The following ZSCAN5A variants were observed in gnomAD, a reference collection of about 807,000 sequenced individuals.
ZSCAN5A encodes zinc finger and SCAN domain containing 5A, also known as zinc finger and SCAN domain-containing protein 5A.
Under a neutral mutation model 23.7 loss-of-function variants are expected in ZSCAN5A, and 12 were observed. The ratio of observed to expected loss-of-function variants is 0.51; its 90% CI spans 0.32 to 0.82. ZSCAN5A has a LOEUF of 0.82. Ranked by LOEUF, ZSCAN5A falls within the 40% of genes least tolerant of loss-of-function variation. The pLI is 0.03. For synonymous variants in ZSCAN5A, 257 were observed against 239.9 expected (o/e 1.07, Z -0.66); for missense variants, 597 against 617.9 (o/e 0.97, Z 0.36).
At chr19:56,295,043 A>G (rs1396358067) in intron 2 of ZSCAN5A, 1 of 152,256 alleles carries the variant, frequency 6.6e-6, no homozygotes, top group Non-Finnish European at 1.5e-5. Flanking sequence ...GCAATGGCCA[A>G]CGGGTACACG....
chr19:56,253,815 T>C (rs944142265), intron 2 of ZSCAN5A, among the ~76,000 whole-genome samples: 1 of 152,002 alleles, frequency 6.6e-6, no homozygotes, highest in Non-Finnish European at 1.5e-5. Context: ...TTGCACGGGG[T>C]AAGGTGGCTG....
chr19:56,242,837 G>A (rs2035535499), intron 2 of ZSCAN5A, among the ~76,000 whole-genome samples: 1 of 152,152 alleles, frequency 6.6e-6, no homozygotes, highest in South Asian at 2.1e-4. Context: ...GGAGTGCAAT[G>A]GCGTGATGTC....
At chr19:56,227,874 C>T (rs2146447721) in intron 2 of ZSCAN5A, among the ~76,000 whole-genome samples, 1 of 151,948 alleles carries the variant, frequency 6.6e-6, no homozygotes, top group Admixed American at 6.6e-5. Flanking sequence ...AGCAATATAC[C>T]GAGACCCCAT....
chr19:56,261,762 T>C (rs2037146180), intron 2 of ZSCAN5A, among the ~76,000 whole-genome samples: 1 of 152,242 alleles, frequency 6.6e-6, no homozygotes, highest in African/African-American at 2.4e-5. Context: ...AAATTTCACA[T>C]GTAAAATAAA....
chr19:56,228,348 C>T (rs1431072373), intron 2 of ZSCAN5A: 1 of 985,218 alleles, frequency 1.0e-6, no homozygotes, highest in Admixed American at 6.2e-5. Context: ...AAGCGGGACT[C>T]CAGGCCGCGT....
In ZSCAN5A at chr19:56,222,020, T is replaced by A; in HGVS notation, c.1046A>T (p.Glu349Val). Residue 349 changes from glutamate (E) to valine (V), a missense_variant, in exon 6 of 6, where the codon GAA becomes GTA. This residue lies in a region of ZSCAN5A where 406 missense variants were observed against 353.2 expected (regional missense o/e 1.15). Transcript: ENST00000683990. The stretch of plus-strand genomic sequence containing the variant: ...TGCAAAGGGCGGCAGTGCCTTGGCT[T>A]CTTGGCCATCCGGGTGACTGACTGG... ...ASPVSHPDGQ[E>V]AKALPPFACD... 6.2e-7 allele frequency: 1 copy of A among 1,614,210 alleles called. No homozygotes were observed. The highest frequency in any genetic ancestry group is 8.5e-7 in the Non-Finnish European group (1 of 1,180,036).
intron 2 of ZSCAN5A, chr19:56,283,698 T>G (rs2038886498): frequency 6.6e-6 from 1 of 152,226 alleles, no homozygotes; most frequent in African/African-American, 2.4e-5. Flanking sequence ...GATCTGAGTT[T>G]GAGTTCCTGC....
intron 2 of ZSCAN5A, among the ~76,000 whole-genome samples, chr19:56,277,422 G>C (rs1040775444): frequency 6.6e-6 from 1 of 152,004 alleles, no homozygotes; most frequent in African/African-American, 2.4e-5. Flanking sequence ...CTCAGTGAAA[G>C]ATGCCAGTGA....
chr19:56,234,938 G>A (rs535919278), intron 2 of ZSCAN5A, among the ~76,000 whole-genome samples: 1 of 152,380 alleles, frequency 6.6e-6, no homozygotes, highest in Admixed American at 6.5e-5. Flanking sequence ...AGGGTAACCA[G>A]GGGTTAAGGT....
At position 56,225,550 on chromosome 19, in the gene ZSCAN5A, A is replaced by T. The variant is rs145780199; in HGVS notation, c.-127-377T>A. On this transcript the variant is annotated intron_variant, in intron 2 of 5. Transcript: ENST00000683990. Reference sequence around the variant, plus strand: ...CCCTTAGTCATAATTATGCAAAAGGATAGAGAAAAAGAGTTAGAATGTAAT... The same window carrying T: ...CCCTTAGTCATAATTATGCAAAAGGTTAGAGAAAAAGAGTTAGAATGTAAT... 2.0e-3 allele frequency: 308 copies of T among 153,162 alleles called. 1 individual carries two copies. The highest frequency in any genetic ancestry group is 7.0e-3 in the African/African-American group (290 of 41,594). The allele number at this position is 153,162 out of a possible 1,614,324, so 9.5% of individuals were successfully genotyped here. A position where few individuals can be genotyped will look rare whatever the true frequency, so the allele number is the denominator to read the frequency against.
intron 2 of ZSCAN5A, chr19:56,283,700 A>G (rs1423144675): frequency 1.3e-5 from 2 of 152,190 alleles, no homozygotes; most frequent in Admixed American, 6.5e-5. Flanking sequence ...TCTGAGTTTG[A>G]GTTCCTGCTT....
At chr19:56,348,910 A>G (rs948833987) in intron 2 of ZSCAN5A, among the ~76,000 whole-genome samples, 1 of 152,146 alleles carries the variant, frequency 6.6e-6, no homozygotes, top group African/African-American at 2.4e-5. Flanking sequence ...AAGACTCTGT[A>G]AGAGAAATTA....
At chr19:56,244,879 T>C (rs1464929720) in intron 2 of ZSCAN5A, among the ~76,000 whole-genome samples, 7 of 151,606 alleles carry the variant, frequency 4.6e-5, no homozygotes, top group East Asian at 3.9e-4. Context: ...GGGAAAGTGG[T>C]TGGTATCAGA....
intron 2 of ZSCAN5A, chr19:56,322,130 AGCT>A: frequency 1.3e-6 from 1 of 766,214 alleles, no homozygotes; most frequent in African/African-American, 1.7e-5. Flanking sequence ...CAAAGTCAGT[AGCT>A]GAGCGTCTCT....
chr19:56,244,508 G>C, intron 2 of ZSCAN5A: 1 of 1,443,312 alleles, frequency 6.9e-7, no homozygotes, highest in Admixed American at 2.3e-5. Flanking sequence ...GAGAGGACCC[G>C]AGGGGCTGCT....
chr19:56,249,241 G>C lies in ZSCAN5A; in HGVS notation c.-127-24068C>G, dbSNP rs557896438. On this transcript the variant is annotated intron_variant, in intron 2 of 5. Transcript: ENST00000683990. The stretch of plus-strand genomic sequence containing the variant: ...GAGCTTCCAGTTTAGTAGATCAGGG[G>C]TGTGGCCTTAGAGTTTGCATTGAAA... Among the ~76,000 whole-genome samples the C allele has an allele frequency of 9.2e-5, 14 of 152,272 alleles. No individual in the cohort carries two copies. The South Asian group carries it at 2.9e-3, about 32-fold the overall frequency.
intron 2 of ZSCAN5A, among the ~76,000 whole-genome samples, chr19:56,359,097 A>C (rs1039023458): frequency 6.6e-6 from 1 of 152,140 alleles, no homozygotes; most frequent in African/African-American, 2.4e-5. Context: ...AAGAAGAAAG[A>C]GACACAAAAC....
At chr19:56,323,331 G>A (rs192157137) in intron 2 of ZSCAN5A, among the ~76,000 whole-genome samples, 176 of 152,136 alleles carry the variant, frequency 1.2e-3, no homozygotes, top group Non-Finnish European at 2.0e-3. Context: ...GAGTAGCTGG[G>A]ACTAGGTGCA....
intron 2 of ZSCAN5A, among the ~76,000 whole-genome samples, chr19:56,286,844 G>A (rs549585913): frequency 6.5e-4 from 99 of 152,298 alleles, no homozygotes; most frequent in African/African-American, 2.2e-3. Flanking sequence ...AGAGATGCCC[G>A]GCAGAGCGAA....
Sources: gnomAD v4.1 joint callset for allele counts (sites outside exome capture counted in the v4.1 genomes callset) on GRCh38, gnomAD v4.1.1 for gene constraint, gnomAD v4.1.1 regional missense constraint, MANE v1.5 for transcripts, NCBI Gene and HGNC (gene_info 2026-07-23, HGNC 2026-07-21) for gene names.